The following ANKRD30B variants were observed in gnomAD, a reference collection of about 807,000 sequenced individuals.
ANKRD30B encodes ankyrin repeat domain-containing protein 30B.
Under a neutral mutation model 202.2 loss-of-function variants are expected in ANKRD30B, and 144 were observed. That is an observed-to-expected ratio of 0.71 (90% CI 0.62 to 0.82). The LOEUF (loss-of-function observed/expected upper bound fraction) is 0.82. ANKRD30B is among the 40% of genes least tolerant of loss of function. ANKRD30B has a pLI of 0.00. For synonymous variants in ANKRD30B, 508 were observed against 561.3 expected, an observed-to-expected ratio of 0.91 and a Z score of 1.34; for missense variants, 1,487 against 1,669.1, an observed-to-expected ratio of 0.89 and a Z score of 1.90.
intron 30 of ANKRD30B, among the ~76,000 whole-genome samples, chr18:14,821,104 A>G (rs139475238): frequency 0.98 from 148,493 of 152,270 alleles, 72,523 homozygotes; most frequent in Middle Eastern, 1. Context: ...GAGTGTGTGT[A>G]TCGAGGAATT....
chr18:14,870,106 G>A, the ANKRD30B span, among the ~76,000 whole-genome samples: 1 of 152,194 alleles, frequency 6.6e-6, no homozygotes, highest in African/African-American at 2.4e-5. Context: ...AAAGTGTTGG[G>A]ATTACAGGAG....
Position 14,763,993 on chromosome 18 carries a change from A to G in ANKRD30B, c.1128A>G (p.Ala376=), listed in dbSNP as rs142913793. 439 of 1,596,088 alleles carry G rather than the reference A, an allele frequency of 2.8e-4. 3 individuals are homozygous for G. The East Asian group carries it at 8.9e-3, about 32-fold the overall frequency. The change falls in exon 7 of 44, where the codon GCA becomes GCG. Residue 376 remains alanine, a synonymous_variant. Coordinates refer to ENST00000690538, the MANE Select transcript of ANKRD30B (RefSeq NM_001367607.2). ...CATCTGTAAAGACTGAATGCGTGGC[A>G]GGAGTAACACCTAATAAAACTGAAG... The part of the protein sequence containing the change: ...KETSVKTECV[A]GVTPNKTEVL...
At chr18:14,772,897 G>C (rs1407015557) in intron 9 of ANKRD30B, among the ~76,000 whole-genome samples, 1 of 152,036 alleles carries the variant, frequency 6.6e-6, no homozygotes, top group Non-Finnish European at 1.5e-5. Flanking sequence ...CAGGAGGATT[G>C]CTTGAGCCCA....
intron 3 of ANKRD30B, 101 bp downstream of exon 3, chr18:14,753,113 A>G: frequency 1.0e-6 from 1 of 969,758 alleles, no homozygotes; most frequent in East Asian, 2.8e-5. Context: ...ACATTCCTTG[A>G]GTGAAAATAA....
chr18:14,823,939 C>T (rs1328962739), intron 32 of ANKRD30B, among the ~76,000 whole-genome samples: 2 of 152,162 alleles, frequency 1.3e-5, no homozygotes, highest in East Asian at 3.9e-4. Flanking sequence ...CGTGCCACTC[C>T]AGCCTTGGTA....
chr18:14,799,217 A>C lies in ANKRD30B; in HGVS notation c.2059-6A>C, dbSNP rs1271912290. On this transcript the variant is annotated splice_polypyrimidine_tract_variant and splice_region_variant and intron_variant, in intron 21 of 43. Coordinates refer to ENST00000690538, the MANE Select transcript of ANKRD30B (RefSeq NM_001367607.2). ...TGTTAATTTTTGTGTTTCCAAACCCATTTAGCCTACCTGTGGAAGGAAAGT... is the reference window on the plus strand; with the variant it reads ...TGTTAATTTTTGTGTTTCCAAACCCCTTTAGCCTACCTGTGGAAGGAAAGT... 1.3e-6 allele frequency: 2 copies of C among 1,579,998 alleles called. No individual in the cohort carries two copies. Among genetic ancestry groups the C allele is most frequent in the Admixed American group, 1.8e-5 (1 of 56,604 alleles).
At chr18:14,819,838 C>T (rs1031072843) in intron 30 of ANKRD30B, among the ~76,000 whole-genome samples, 122 of 152,010 alleles carry the variant, frequency 8.0e-4, no homozygotes, top group Admixed American at 3.6e-3. Flanking sequence ...ATTGACTTGG[C>T]GACACGGGCT....
rs572347849 is a variant in ANKRD30B, at chr18:14,789,415, T to C, written c.1735-1986T>C. Among the ~76,000 whole-genome samples, 983 of 152,266 alleles carry C rather than the reference T, an allele frequency of 6.5e-3. 5 individuals carry two copies. The highest frequency in any genetic ancestry group is 0.014 in the Middle Eastern group (4 of 294). On this transcript the variant is annotated intron_variant, in intron 15 of 43. Coordinates refer to ENST00000690538, the MANE Select transcript of ANKRD30B (RefSeq NM_001367607.2). ...TTTAATGAGATCCCATTTGTCAATT[T>C]TGGCTTTTGTTGCCATTGCTTTTGG...
chr18:14,835,269 T>C (rs749096726), intron 34 of ANKRD30B, among the ~76,000 whole-genome samples: 3 of 151,736 alleles, frequency 2.0e-5, no homozygotes, highest in Admixed American at 6.6e-5. Flanking sequence ...TATAGGTATG[T>C]AATGGTATTA....
chr18:14,862,205 T>G, the ANKRD30B span, among the ~76,000 whole-genome samples: 1 of 151,240 alleles, frequency 6.6e-6, no homozygotes, highest in Non-Finnish European at 1.5e-5. Flanking sequence ...ATTAACAAGC[T>G]AAAATAGCCA....
At chr18:14,762,262 C>A (rs1281115997) in intron 6 of ANKRD30B, among the ~76,000 whole-genome samples, 1 of 152,142 alleles carries the variant, frequency 6.6e-6, no homozygotes. Context: ...AACCCTTATT[C>A]AAGGATCAAC....
chr18:14,772,797 T>G (rs1454548704), intron 9 of ANKRD30B, among the ~76,000 whole-genome samples: 5 of 151,644 alleles, frequency 3.3e-5, no homozygotes, highest in Non-Finnish European at 7.4e-5. Context: ...CTTGGTTCTT[T>G]AATTACACCA....
the ANKRD30B span, among the ~76,000 whole-genome samples, chr18:14,892,465 G>C: frequency 6.6e-6 from 1 of 152,108 alleles, no homozygotes; most frequent in Non-Finnish European, 1.5e-5. Context: ...ATGGCTGGAT[G>C]TGGTAGCTCA....
At chr18:14,927,791 C>A in the ANKRD30B span, among the ~76,000 whole-genome samples, 3 of 152,152 alleles carry the variant, frequency 2.0e-5, no homozygotes, top group East Asian at 5.8e-4. Context: ...CAAATATATG[C>A]AGCTTTTGAT....
the ANKRD30B span, among the ~76,000 whole-genome samples, chr18:14,920,406 GAGTGTCACCATAGTGACT>G: frequency 4.6e-5 from 7 of 152,202 alleles, no homozygotes; most frequent in Non-Finnish European, 7.3e-5. Context: ...TTAAGGTAAT[GAGTGTCACCATAGTGACT>G]AGTGTCACCA....
chr18:14,904,558 T>A, the ANKRD30B span, among the ~76,000 whole-genome samples: 1 of 152,182 alleles, frequency 6.6e-6, no homozygotes. Flanking sequence ...CCCCATTTGC[T>A]GTCCTCTACT....
intron 12 of ANKRD30B, among the ~76,000 whole-genome samples, chr18:14,783,847 T>G (rs1967907922): frequency 6.6e-6 from 1 of 152,104 alleles, no homozygotes; most frequent in African/African-American, 2.4e-5. Context: ...AGTGAATATT[T>G]ATATTTAGTA....
In ANKRD30B at chr18:14,797,866, A is replaced by T; in HGVS notation, c.2029+12A>T. On this transcript the variant is annotated intron_variant, in intron 20 of 43. Coordinates refer to ENST00000690538, the MANE Select transcript of ANKRD30B (RefSeq NM_001367607.2). ...AACACTCAAAGCAGGTACATTTTGT[A>T]ATTTAAATTTTAATCTGGAATTAAG... 1 of 1,537,024 alleles carries T rather than the reference A, an allele frequency of 6.5e-7. No individual in the cohort carries two copies. The highest frequency in any genetic ancestry group is 8.8e-7 in the Non-Finnish European group (1 of 1,140,558).
At chr18:14,843,842 T>C in intron 39 of ANKRD30B, among the ~76,000 whole-genome samples, 1 of 152,120 alleles carries the variant, frequency 6.6e-6, no homozygotes, top group Admixed American at 6.6e-5. Flanking sequence ...ATGGGAGAAG[T>C]AATCATTTCT....
Sources: gnomAD v4.1 joint callset for allele counts (sites outside exome capture counted in the v4.1 genomes callset) on GRCh38, gnomAD v4.1.1 for gene constraint, MANE v1.5 for transcripts, NCBI Gene and HGNC (gene_info 2026-07-23, HGNC 2026-07-21) for gene names.